The following DNAJC5B variants were observed in gnomAD, a reference collection of about 807,000 sequenced individuals.
DNAJC5B encodes dnaJ homolog subfamily C member 5B.
Under a neutral mutation model 24.7 loss-of-function variants are expected in DNAJC5B, and 23 were observed. The observed-to-expected ratio is 0.93, with a 90% confidence interval of 0.67 to 1.32. The LOEUF (loss-of-function observed/expected upper bound fraction) is 1.32. Ranked by LOEUF, DNAJC5B falls within the 40% of genes most tolerant of loss-of-function variation. The probability of loss-of-function intolerance (pLI) is 0.00; values close to 1 mark genes in which losing one functional copy is unlikely to be tolerated. For missense variants in DNAJC5B, 238 were observed against 240.8 expected (o/e 0.99, Z 0.08); for synonymous variants, 101 against 90.1 (o/e 1.12, Z -0.68).
rs1216505400 is a variant in DNAJC5B at position 66,029,734 on chromosome 8, G to A, written c.-142+8029G>A. On this transcript the variant is annotated intron_variant, in intron 1 of 5. Transcript: ENST00000276570. ...GATCGGCCTGGTTTAAATGGAGAGG[G>A]TGAGTGAAAGGAGACACCTGGGTTT... 3.3e-5 allele frequency among the ~76,000 whole-genome samples: 5 copies of A among 152,232 alleles called. No homozygotes were observed. The East Asian group carries it at 7.7e-4, about 24-fold the overall frequency.
chr8:66,092,199 T>C (rs115215742), intron 5 of DNAJC5B, among the ~76,000 whole-genome samples: 9 of 152,306 alleles, frequency 5.9e-5, no homozygotes, highest in African/African-American at 1.9e-4. Context: ...TCAAAATATA[T>C]AGTAGGGGAG....
chr8:66,097,463 A>G (rs976082196), intron 5 of DNAJC5B, among the ~76,000 whole-genome samples: 4 of 151,690 alleles, frequency 2.6e-5, no homozygotes, highest in South Asian at 4.2e-4. Context: ...ATTTTTCTCA[A>G]TTTTAAGCCT....
intron 5 of DNAJC5B, among the ~76,000 whole-genome samples, chr8:66,094,470 A>T (rs1216621043): frequency 1.3e-5 from 2 of 152,062 alleles, no homozygotes; most frequent in Non-Finnish European, 2.9e-5. Context: ...ACTTTTAAAA[A>T]CATTGATTTT....
chr8:66,035,322 T>C (rs1356738237), intron 1 of DNAJC5B, among the ~76,000 whole-genome samples: 1 of 152,236 alleles, frequency 6.6e-6, no homozygotes, highest in Non-Finnish European at 1.5e-5. Flanking sequence ...AAAAGAGACA[T>C]GTCCTAATCT....
At chr8:66,037,301 C>A (rs959533254) in intron 1 of DNAJC5B, among the ~76,000 whole-genome samples, 1 of 152,176 alleles carries the variant, frequency 6.6e-6, no homozygotes, top group Non-Finnish European at 1.5e-5. Flanking sequence ...AGAAAATTTT[C>A]TGTAGGCTCC....
intron 3 of DNAJC5B, among the ~76,000 whole-genome samples, chr8:66,060,311 C>G (rs1438017320): frequency 6.6e-6 from 1 of 152,194 alleles, no homozygotes; most frequent in Non-Finnish European, 1.5e-5. Flanking sequence ...GTTCCCTCCC[C>G]AGACTAAGAG....
intron 3 of DNAJC5B, among the ~76,000 whole-genome samples, chr8:66,073,117 T>C (rs948397947): frequency 2.0e-5 from 3 of 152,128 alleles, no homozygotes; most frequent in Admixed American, 1.3e-4. Context: ...TATATAATTG[T>C]CTATGTAGAA....
At chr8:66,033,162 G>A (rs1299666528) in intron 1 of DNAJC5B, among the ~76,000 whole-genome samples, 1 of 152,240 alleles carries the variant, frequency 6.6e-6, no homozygotes, top group African/African-American at 2.4e-5. Flanking sequence ...CAAAAAGCAA[G>A]ACATCTGGAG....
At chr8:66,027,790 T>C (rs1197503860) in intron 1 of DNAJC5B, among the ~76,000 whole-genome samples, 1 of 152,204 alleles carries the variant, frequency 6.6e-6, no homozygotes, top group Non-Finnish European at 1.5e-5. Flanking sequence ...TCTCCTCTCA[T>C]ACTATGTCCT....
intron 1 of DNAJC5B, among the ~76,000 whole-genome samples, chr8:66,037,900 G>A (rs764447351): frequency 2.6e-5 from 4 of 152,182 alleles, no homozygotes; most frequent in Non-Finnish European, 5.9e-5. Context: ...AAGTTGAAAC[G>A]TTCCACTGAG....
At chr8:66,029,995 G>C (rs1192571007) in intron 1 of DNAJC5B, among the ~76,000 whole-genome samples, 1 of 152,148 alleles carries the variant, frequency 6.6e-6, no homozygotes, top group African/African-American at 2.4e-5. Flanking sequence ...ATAAACCTTG[G>C]TGAATAAACA....
Position 66,048,105 on chromosome 8 carries a change from G to C in DNAJC5B, c.-17-3426G>C, listed in dbSNP as rs559407899. Among the ~76,000 whole-genome samples the C allele has an allele frequency of 2.0e-5, 3 of 152,098 alleles. No homozygotes were observed. In the South Asian group the frequency reaches 6.2e-4, roughly 32 times the overall value. ...TTTCTTAACTCCAGCTAAAGTATAT[G>C]CAAAGCAACCTGAAGGCCCCCCACT... On this transcript the variant is annotated intron_variant, in intron 2 of 5. Coordinates refer to ENST00000276570, the MANE Select transcript of DNAJC5B (RefSeq NM_033105.6).
At chr8:66,086,515 C>A (rs74941549) in intron 5 of DNAJC5B, among the ~76,000 whole-genome samples, 8,882 of 152,156 alleles carry the variant, frequency 0.058, 348 homozygotes, top group African/African-American at 0.1. Flanking sequence ...CTATTAGCTA[C>A]CTTTACATTT....
chr8:66,093,171 T>A (rs1228274098), intron 5 of DNAJC5B, among the ~76,000 whole-genome samples: 1 of 152,194 alleles, frequency 6.6e-6, no homozygotes, highest in African/African-American at 2.4e-5. Context: ...ACTGTCCACT[T>A]TTTGCCATTA....
intron 1 of DNAJC5B, among the ~76,000 whole-genome samples, chr8:66,038,549 C>G (rs1389773210): frequency 6.6e-6 from 1 of 152,222 alleles, no homozygotes; most frequent in Non-Finnish European, 1.5e-5. Context: ...TGCAGAGCAA[C>G]TTCCATATTA....
At chr8:66,019,232 G>A (rs1244126815), upstream of DNAJC5B, among the ~76,000 whole-genome samples, 1 of 152,242 alleles carries the variant, frequency 6.6e-6, no homozygotes, top group Non-Finnish European at 1.5e-5. Flanking sequence ...CCTGCCAGAG[G>A]AATACCCTGT....
intron 3 of DNAJC5B, among the ~76,000 whole-genome samples, chr8:66,070,025 A>G (rs1007808432): frequency 1.3e-5 from 2 of 152,112 alleles, no homozygotes; most frequent in Admixed American, 1.3e-4. Flanking sequence ...CATGCTAAAA[A>G]CTCTCAATAA....
At chr8:66,060,228 C>G (rs574097912) in intron 3 of DNAJC5B, among the ~76,000 whole-genome samples, 80 of 152,264 alleles carry the variant, frequency 5.3e-4, no homozygotes, top group African/African-American at 1.8e-3. Flanking sequence ...TCCAACAGAC[C>G]CCCCTCCTCT....
chr8:66,083,631 C>G (rs1807652655), intron 5 of DNAJC5B, among the ~76,000 whole-genome samples: 1 of 152,320 alleles, frequency 6.6e-6, no homozygotes, highest in Non-Finnish European at 1.5e-5. Flanking sequence ...TTTGTAACAT[C>G]ACCTCTGGTT....
Sources: gnomAD v4.1 joint callset for allele counts (sites outside exome capture counted in the v4.1 genomes callset) on GRCh38, gnomAD v4.1.1 for gene constraint, MANE v1.5 for transcripts, NCBI Gene and HGNC (gene_info 2026-07-23, HGNC 2026-07-21) for gene names.